The following HBS1L variants were observed in gnomAD, a reference collection of about 807,000 sequenced individuals.
HBS1L encodes the protein HBS1 like translational GTPase.
A neutral mutation model predicts 88.9 loss-of-function variants in HBS1L; 55 were observed. The observed-to-expected ratio is 0.62, with a 90% confidence interval of 0.50 to 0.77. The LOEUF is 0.77. HBS1L is among the 30% of genes least tolerant of loss of function. The probability of loss-of-function intolerance (pLI) is 0.00; values close to 1 mark genes in which losing one functional copy is unlikely to be tolerated. For synonymous variants in HBS1L, 267 were observed against 288.5 expected, an observed-to-expected ratio of 0.93 and a Z score of 0.76; for missense variants, 741 against 829.3, an observed-to-expected ratio of 0.89 and a Z score of 1.31.
chr6:135,001,020 G>A (rs778875885), intron 5 of HBS1L, among the ~76,000 whole-genome samples: 5 of 151,832 alleles, frequency 3.3e-5, no homozygotes, highest in Admixed American at 6.6e-5. Flanking sequence ...TGAGTATTTC[G>A]ATCTATAACT....
intron 4 of HBS1L, chr6:135,037,483 T>C (rs774122097): frequency 6.8e-5 from 106 of 1,549,042 alleles, no homozygotes; most frequent in Middle Eastern, 3.3e-4. Flanking sequence ...GCTAGTTAAG[T>C]ACAAAGGATT....
intron 4 of HBS1L, among the ~76,000 whole-genome samples, chr6:135,016,913 C>T (rs1775937713): frequency 8.7e-6 from 1 of 115,540 alleles, no homozygotes; most frequent in Non-Finnish European, 2.0e-5. Flanking sequence ...CATCCTTGCT[C>T]CTCCCTTTTA....
At position 134,986,778 on chromosome 6, in the gene HBS1L, A is replaced by C; in HGVS notation, c.1263T>G (p.Ile421Met). The C allele has an allele frequency of 6.4e-7, 1 of 1,573,300 alleles. No individual in the cohort carries two copies. The highest frequency in any genetic ancestry group is 8.6e-7 in the Non-Finnish European group (1 of 1,159,082). The change falls in exon 10 of 18, where the codon ATT (isoleucine) becomes ATG (methionine). Residue 421 changes from isoleucine (I) to methionine (M), a missense_variant. By Grantham distance (10) the Ile-to-Met change is conservative. Around this residue, in one of 3 missense-constraint regions of HBS1L, gnomAD observed 556 missense variants for 598.4 expected, o/e 0.93. Transcript: ENST00000367837. ...TAAGAAAGTGCCCAAGTTTTCCAGT[A>C]ATCTCTTGAAACCTTTCTTGTTGCC... ...VNWQQERFQE[I>M]TGKLGHFLKQ...
intron 4 of HBS1L, 61 bp downstream of exon 4, chr6:135,039,502 CAAGCAAACGA>C: frequency 1.6e-6 from 2 of 1,235,436 alleles, no homozygotes; most frequent in Non-Finnish European, 2.3e-6. Flanking sequence ...CTTAAAAGCT[CAAGCAAACGA>C]AAGCCTCTCT....
intron 1 of HBS1L, among the ~76,000 whole-genome samples, 197 bp downstream of exon 1, chr6:135,054,452 C>A (rs571962034): frequency 6.6e-6 from 1 of 152,200 alleles, no homozygotes; most frequent in African/African-American, 2.4e-5. Flanking sequence ...AAAATCAACC[C>A]CAGAGGGCAG....
At position 134,964,976 on chromosome 6, in the gene HBS1L, T is replaced by C. The variant is rs1402398393; in HGVS notation, c.*303A>G. On this transcript the variant is annotated 3_prime_UTR_variant, in exon 18 of 18. Coordinates refer to ENST00000367837, the MANE Select transcript of HBS1L (RefSeq NM_006620.4). ...GCCAGAAGTAGAGTTCATTTCATGA[T>C]GATTCAGTATCTTCAGATACTATTT... 4.9e-6 allele frequency: 2 copies of C among 408,466 alleles called. No homozygotes were observed. The highest frequency in any genetic ancestry group is 8.6e-5 in the Admixed American group (2 of 23,140). The allele number at this position is 408,466 out of a possible 1,614,324, so 25.3% of individuals were successfully genotyped here.
intron 5 of HBS1L, among the ~76,000 whole-genome samples, chr6:134,997,980 G>A (rs1479652543): frequency 1.3e-5 from 2 of 152,190 alleles, no homozygotes; most frequent in Non-Finnish European, 2.9e-5. Flanking sequence ...ATGGTATGAA[G>A]GAGATATTTT....
intron 4 of HBS1L, among the ~76,000 whole-genome samples, chr6:135,006,500 T>C (rs1775616197): frequency 1.3e-5 from 2 of 151,896 alleles, no homozygotes; most frequent in Non-Finnish European, 2.9e-5. Flanking sequence ...ATGACAGCAG[T>C]AAAGACTGAC....
At chr6:134,967,560 T>C (rs868798739) in intron 16 of HBS1L, among the ~76,000 whole-genome samples, 2 of 152,166 alleles carry the variant, frequency 1.3e-5, no homozygotes, top group Admixed American at 6.5e-5. Flanking sequence ...ACAAATAAGA[T>C]GACAGGGAAC....
intron 12 of HBS1L, 49 bp from the exon 13 acceptor site, chr6:134,982,611 T>C: frequency 9.8e-7 from 1 of 1,019,026 alleles, no homozygotes; most frequent in Non-Finnish European, 1.5e-6. Context: ...TGTTATCTGA[T>C]GATTAATACC....
chr6:135,010,360 C>T (rs1725315833), intron 4 of HBS1L, among the ~76,000 whole-genome samples: 1 of 152,082 alleles, frequency 6.6e-6, no homozygotes, highest in Admixed American at 6.5e-5. Context: ...AATTCTCATA[C>T]AAAACTAAAA....
At chr6:134,984,002 A>ATTGAC (rs1774908763) in intron 12 of HBS1L, among the ~76,000 whole-genome samples, 2 of 152,136 alleles carry the variant, frequency 1.3e-5, no homozygotes, top group Non-Finnish European at 2.9e-5. Flanking sequence ...GAAAGTGTAT[A>ATTGAC]TTGACTTTGG....
chr6:134,982,587 G>A (rs1354963799), intron 12 of HBS1L, 25 bp from the exon 13 acceptor site: 1 of 1,317,384 alleles, frequency 7.6e-7, no homozygotes, highest in Non-Finnish European at 1.1e-6. Context: ...AAAATCTTAT[G>A]GTTCATACAG....
rs1208378413 is a variant in HBS1L at position 134,997,584 on chromosome 6, A to C, written c.612T>G (p.Ala204=). The C allele has an allele frequency of 6.2e-7, 1 of 1,613,658 alleles. No individual in the cohort carries two copies. The highest frequency in any genetic ancestry group is 8.5e-7 in the Non-Finnish European group (1 of 1,179,572). ...AAGCAGTCTCAAGAACATCGGAAGA[A>C]GCAATGGCATCTTCAATGGGCGGTC... ...QKGPPIEDAI[A]SSDVLETASK... Residue 204 remains alanine (A), a synonymous_variant, in exon 6 of 18, where the codon GCT becomes GCG. Transcript: ENST00000367837.
Position 134,993,933 on chromosome 6 carries a change from T to A in HBS1L, c.966-58A>T, listed in dbSNP as rs1775217929. The A allele has an allele frequency of 1.4e-5, 10 of 709,276 alleles. No individual in the cohort carries two copies. In the South Asian group the frequency reaches 2.5e-4, roughly 18 times the overall value. The allele number at this position is 709,276 out of a possible 1,614,324, so 43.9% of individuals were successfully genotyped here. On this transcript the variant is annotated intron_variant, in intron 7 of 17. Transcript: ENST00000367837. ...GATATAAATAGTGCTATAGAGTAAA[T>A]TAATAATAGTCTACATGACCATCTA...
At chr6:135,003,763 G>A (rs145523163) in intron 4 of HBS1L, among the ~76,000 whole-genome samples, 3,951 of 152,158 alleles carry the variant, frequency 0.026, 182 homozygotes, top group African/African-American at 0.091. Context: ...TACTCAGAAG[G>A]CTGAGGCAGG....
At chr6:134,968,383 G>A (rs187250594) in intron 16 of HBS1L, among the ~76,000 whole-genome samples, 11 of 152,082 alleles carry the variant, frequency 7.2e-5, no homozygotes, top group African/African-American at 2.2e-4. Context: ...TGAGTAGCTG[G>A]GATTACAGGT....
rs781689075 is a variant in HBS1L, at chr6:134,966,449, T to G, written c.1923A>C (p.Ala641=). 3 of 1,606,422 alleles carry G rather than the reference T, an allele frequency of 1.9e-6. No individual in the cohort carries two copies. Among genetic ancestry groups the G allele is most frequent in the Non-Finnish European group, 2.5e-6 (3 of 1,176,500 alleles). Residue 641 remains alanine (A), a synonymous_variant, in exon 17 of 18, where the codon GCA becomes GCC. Coordinates refer to ENST00000367837, the MANE Select transcript of HBS1L (RefSeq NM_006620.4). ...KPKFLTKGQN[A]LVELQTQRPI... ...GTCTTTGTGTCTGTAGCTCTACCAATGCATTCTGGCCTTTAGTCAAAAACC... is the reference window on the plus strand; with the variant it reads ...GTCTTTGTGTCTGTAGCTCTACCAAGGCATTCTGGCCTTTAGTCAAAAACC...
rs1043512388 is a variant in HBS1L at position 134,973,709 on chromosome 6, C to T, written c.1798-4371G>A. On this transcript the variant is annotated intron_variant, in intron 15 of 17. Transcript: ENST00000367837. ...GTGCACACCTGTAGTCCCAGCTACT[C>T]GAGAGGCTGAGGCAGTTCCGGGAGG... 5.9e-5 allele frequency among the ~76,000 whole-genome samples: 9 copies of T among 152,042 alleles called. 1 individual carries two copies. Among genetic ancestry groups the T allele is most frequent in the Admixed American group, 3.3e-4 (5 of 15,266 alleles).
Sources: gnomAD v4.1 joint callset for allele counts (sites outside exome capture counted in the v4.1 genomes callset) on GRCh38, gnomAD v4.1.1 for gene constraint, gnomAD v4.1.1 regional missense constraint, MANE v1.5 for transcripts, NCBI Gene and HGNC (gene_info 2026-07-23, HGNC 2026-07-21) for gene names.